The following KCND3 variants were observed in gnomAD, a reference collection of about 807,000 sequenced individuals.
KCND3 encodes the protein potassium voltage-gated channel subfamily D member 3, also known as A-type voltage-gated potassium channel KCND3.
KCND3 carries 9 observed loss-of-function variants against 51.1 expected under a neutral mutation model. The observed-to-expected ratio is 0.18, with a 90% CI of 0.11 to 0.31. The LOEUF (loss-of-function observed/expected upper bound fraction) is 0.31. KCND3 is among the 10% of genes least tolerant of loss of function. The probability of loss-of-function intolerance (pLI) is 1.00; values close to 1 mark genes in which losing one functional copy is unlikely to be tolerated. For missense variants in KCND3, 526 were observed against 903.8 expected (o/e 0.58, Z 5.36); for synonymous variants, 349 against 368.0 (o/e 0.95, Z 0.59).
intron 2 of KCND3, among the ~76,000 whole-genome samples, chr1:111,871,431 T>TAG (rs1668823841): frequency 6.6e-6 from 1 of 152,094 alleles, no homozygotes; most frequent in South Asian, 2.1e-4. Flanking sequence ...TGGTAGGTCC[T>TAG]AGAGAGAGGC....
intron 2 of KCND3, among the ~76,000 whole-genome samples, chr1:111,938,479 G>T (rs914274654): frequency 6.6e-6 from 1 of 152,186 alleles, no homozygotes; most frequent in African/African-American, 2.4e-5. Flanking sequence ...TGGGGAGCTA[G>T]ATCACCAATA....
chr1:111,945,548 G>A (rs188556397), intron 2 of KCND3, among the ~76,000 whole-genome samples: 54 of 152,304 alleles, frequency 3.5e-4, no homozygotes, highest in South Asian at 8.3e-4. Context: ...GCTCACGGGG[G>A]AGCTTGGCAG....
At chr1:111,856,200 A>G (rs942185983) in intron 2 of KCND3, among the ~76,000 whole-genome samples, 1 of 152,210 alleles carries the variant, frequency 6.6e-6, no homozygotes, top group Non-Finnish European at 1.5e-5. Flanking sequence ...TTCACTGTCC[A>G]CAGTAAGTTT....
At chr1:111,959,929 ATG>A (rs1244984636) in intron 2 of KCND3, among the ~76,000 whole-genome samples, 10 of 151,862 alleles carry the variant, frequency 6.6e-5, no homozygotes, top group Non-Finnish European at 1.5e-4. Flanking sequence ...GGTCTCCCCC[ATG>A]CTATTCTCAT....
chr1:111,955,802 C>A (rs972276515), intron 2 of KCND3, among the ~76,000 whole-genome samples: 4 of 152,222 alleles, frequency 2.6e-5, no homozygotes, highest in African/African-American at 7.2e-5. Context: ...ACATGACCAG[C>A]ACTGTGCTAG....
intron 2 of KCND3, among the ~76,000 whole-genome samples, chr1:111,916,333 AT>A (rs562773079): frequency 5.9e-5 from 9 of 152,346 alleles, no homozygotes; most frequent in African/African-American, 1.9e-4. Flanking sequence ...CATAAGTCAA[AT>A]TTAAAAATCA....
intron 3 of KCND3, among the ~76,000 whole-genome samples, chr1:111,782,950 T>G (rs1664447403): frequency 6.6e-6 from 1 of 152,200 alleles, no homozygotes; most frequent in Non-Finnish European, 1.5e-5. Context: ...CTGGGGCTTG[T>G]GGCTTATACC....
chr1:111,845,991 T>A lies in KCND3; in HGVS notation c.1107-58885A>T, dbSNP rs146315238. ...AATCCATTCCCAGTGAGTCCCCATA[T>A]CCTTCCAGATACAATCAGAGGCCTC... On this transcript the variant is annotated intron_variant, in intron 2 of 7. Transcript: ENST00000302127. Among the ~76,000 whole-genome samples the A allele has an allele frequency of 7.1e-4, 108 of 152,290 alleles. 1 individual carries two copies. The East Asian group carries it at 0.02, about 28-fold the overall frequency.
intron 2 of KCND3, among the ~76,000 whole-genome samples, chr1:111,912,717 T>C (rs1671020672): frequency 6.6e-6 from 1 of 152,152 alleles, no homozygotes; most frequent in Non-Finnish European, 1.5e-5. Context: ...GTTTGTGTCT[T>C]AGTTTTTAAA....
At chr1:111,956,093 TGCCCAG>T (rs1673325072) in intron 2 of KCND3, among the ~76,000 whole-genome samples, 1 of 152,132 alleles carries the variant, frequency 6.6e-6, no homozygotes, top group Admixed American at 6.5e-5. Flanking sequence ...GGAAGGGGCA[TGCCCAG>T]TCCTAACAAG....
At chr1:111,874,165 T>A (rs1211893696) in intron 2 of KCND3, among the ~76,000 whole-genome samples, 1 of 152,190 alleles carries the variant, frequency 6.6e-6, no homozygotes, top group Non-Finnish European at 1.5e-5. Flanking sequence ...AAACATACTG[T>A]CAGAAATATA....
chr1:111,958,565 T>C (rs1292843521), intron 2 of KCND3, among the ~76,000 whole-genome samples: 1 of 152,184 alleles, frequency 6.6e-6, no homozygotes, highest in Non-Finnish European at 1.5e-5. Flanking sequence ...ATTGGTGAAA[T>C]AAAACACATC....
At chr1:111,799,993 G>A (rs1008748622) in intron 2 of KCND3, among the ~76,000 whole-genome samples, 3 of 151,832 alleles carry the variant, frequency 2.0e-5, no homozygotes, top group Non-Finnish European at 4.4e-5. Flanking sequence ...CGCCCCTACT[G>A]GGAAGTGAGG....
intron 1 of KCND3, among the ~76,000 whole-genome samples, chr1:111,983,690 A>G (rs1675102190): frequency 6.6e-6 from 1 of 151,834 alleles, no homozygotes; most frequent in Non-Finnish European, 1.5e-5. Flanking sequence ...TCTGCCCACC[A>G]TCCATAACTC....
At chr1:111,897,026 G>A (rs1028362634) in intron 2 of KCND3, among the ~76,000 whole-genome samples, 12 of 152,328 alleles carry the variant, frequency 7.9e-5, no homozygotes, top group African/African-American at 2.9e-4. Flanking sequence ...GGCAGGCTGG[G>A]GTCTGTCTTG....
At chr1:111,870,399 G>C (rs936287852) in intron 2 of KCND3, among the ~76,000 whole-genome samples, 4 of 152,230 alleles carry the variant, frequency 2.6e-5, no homozygotes, top group African/African-American at 9.6e-5. Context: ...CAGAGTCACT[G>C]TGTCACAGAC....
chr1:111,893,959 C>T (rs570403369), intron 2 of KCND3, among the ~76,000 whole-genome samples: 1 of 152,310 alleles, frequency 6.6e-6, no homozygotes, highest in South Asian at 2.1e-4. Context: ...AGACACTGCA[C>T]TTGGCCTTCT....
chr1:111,928,597 A>G (rs1007324309), intron 2 of KCND3, among the ~76,000 whole-genome samples: 5 of 152,170 alleles, frequency 3.3e-5, no homozygotes. Context: ...ATGAACTTTC[A>G]CTCTCTGGGC....
intron 2 of KCND3, among the ~76,000 whole-genome samples, chr1:111,915,263 T>C (rs1313013764): frequency 6.6e-6 from 1 of 151,786 alleles, no homozygotes; most frequent in Non-Finnish European, 1.5e-5. Flanking sequence ...TTAAACTCAA[T>C]CATATCAATA....
Sources: allele counts gnomAD v4.1 joint callset (sites outside exome capture counted in the v4.1 genomes callset), GRCh38; gene constraint gnomAD v4.1.1; transcripts MANE v1.5; gene names NCBI Gene and HGNC (gene_info 2026-07-23, HGNC 2026-07-21).